Variants in CCDC150 observed in about 807,000 individuals in gnomAD.
CCDC150 encodes the protein coiled-coil domain-containing protein 150.
CCDC150 carries 151 observed loss-of-function variants against 156.5 expected under a neutral mutation model. The ratio of observed to expected loss-of-function variants is 0.97; its 90% CI spans 0.85 to 1.10. The LOEUF is 1.10. Ranked by LOEUF, CCDC150 falls within the 50% of genes least tolerant of loss-of-function variation. The probability of loss-of-function intolerance (pLI) is 0.00; values close to 1 mark genes in which losing one functional copy is unlikely to be tolerated. For synonymous variants in CCDC150, 452 were observed against 429.4 expected (o/e 1.05, Z -0.65); for missense variants, 1,312 against 1,268.1 (o/e 1.03, Z -0.53).
rs149225151 is a variant in CCDC150 at position 196,715,882 on chromosome 2, A to G, written c.1867-2621A>G. The stretch of plus-strand genomic sequence containing the variant: ...AAATTGGAGTTTATCAAAATTGACA[A>G]CTTATGCTCTTCAGAAACATTAAGG... On this transcript the variant is annotated intron_variant, in intron 17 of 27. Coordinates refer to ENST00000389175, the MANE Select transcript of CCDC150 (RefSeq NM_001080539.2). 1.3e-3 allele frequency among the ~76,000 whole-genome samples: 191 copies of G among 152,326 alleles called. 1 individual carries two copies. Among genetic ancestry groups the G allele is most frequent in the African/African-American group, 4.2e-3 (176 of 41,570 alleles).
intron 6 of CCDC150, 126 bp downstream of exon 6, chr2:196,665,809 C>A: frequency 5.6e-6 from 3 of 534,756 alleles, no homozygotes; most frequent in South Asian, 2.5e-5. Flanking sequence ...TTTTTGTTAG[C>A]AATATGTTAA....
chr2:196,689,203 G>A (rs1276071454), intron 13 of CCDC150, among the ~76,000 whole-genome samples: 4 of 151,990 alleles, frequency 2.6e-5, no homozygotes, highest in Non-Finnish European at 5.9e-5. Context: ...TGTTCTTTTG[G>A]CTTAGGATTG....
chr2:196,678,997 G>A (rs749629906), intron 13 of CCDC150, among the ~76,000 whole-genome samples: 2 of 152,128 alleles, frequency 1.3e-5, no homozygotes, highest in Admixed American at 6.5e-5. Flanking sequence ...GATTTCATTC[G>A]TCTTAATGTA....
chr2:196,732,658 A>T lies in CCDC150; in HGVS notation c.*96A>T. On this transcript the variant is annotated 3_prime_UTR_variant, in exon 28 of 28. Transcript: ENST00000389175. ...GGCCTGTTTCTAGAGTCATAAGAACATGAAGTCTTTGATGTGGGCTGAAGA... is the reference window on the plus strand; with the variant it reads ...GGCCTGTTTCTAGAGTCATAAGAACTTGAAGTCTTTGATGTGGGCTGAAGA... The T allele has an allele frequency of 1.2e-6, 1 of 807,158 alleles. No individual in the cohort carries two copies. Among genetic ancestry groups the T allele is most frequent in the Non-Finnish European group, 2.1e-6 (1 of 476,860 alleles). 50.0% of individuals were successfully genotyped at this position (807,158 alleles called of 1,614,324 possible). A position where few individuals can be genotyped will look rare whatever the true frequency, so the allele number is the denominator to read the frequency against.
chr2:196,678,628 C>T (rs918648427), intron 13 of CCDC150, among the ~76,000 whole-genome samples: 17 of 152,212 alleles, frequency 1.1e-4, no homozygotes, highest in African/African-American at 2.9e-4. Flanking sequence ...TGAGAGTGGG[C>T]GTGGTGGCTC....
chr2:196,641,028 T>G (rs765104423), intron 1 of CCDC150, among the ~76,000 whole-genome samples: 2 of 152,166 alleles, frequency 1.3e-5, no homozygotes, highest in African/African-American at 4.8e-5. Context: ...AGTGCAGCAG[T>G]CTCAGCTCAC....
At chr2:196,650,080 CAGA>C (rs1692785165) in intron 2 of CCDC150, among the ~76,000 whole-genome samples, 2 of 152,148 alleles carry the variant, frequency 1.3e-5, no homozygotes, top group South Asian at 4.1e-4. Context: ...CAGTCCTGAT[CAGA>C]AGCTTTCAGC....
At chr2:196,708,713 A>G (rs1280048657) in intron 15 of CCDC150, among the ~76,000 whole-genome samples, 1 of 152,204 alleles carries the variant, frequency 6.6e-6, no homozygotes, top group African/African-American at 2.4e-5. Flanking sequence ...TGGTGACAAA[A>G]TATCTCAGCA....
At position 196,720,653 on chromosome 2, in the gene CCDC150, C is replaced by G; in HGVS notation, c.2244C>G (p.Asp748Glu). 1.9e-6 allele frequency: 3 copies of G among 1,613,600 alleles called. No homozygotes were observed. Among genetic ancestry groups the G allele is most frequent in the Non-Finnish European group, 2.5e-6 (3 of 1,179,714 alleles). Residue 748 changes from aspartate to glutamate, a missense_variant, in exon 20 of 28, where the codon GAC becomes GAG. Transcript: ENST00000389175. ...AGGCCAGGATGCTTGTCATGGAGGA[C>G]CAGCACAACAGTGAGGTTGGAGCCA... ...QWQARMLVME[D>E]QHNSEIESLQ...
chr2:196,707,797 T>C (rs2125680774), intron 15 of CCDC150, among the ~76,000 whole-genome samples: 1 of 152,326 alleles, frequency 6.6e-6, no homozygotes, highest in South Asian at 2.1e-4. Context: ...CACCAGGTTG[T>C]TCAGTTTCCA....
At chr2:196,713,622 A>G in intron 17 of CCDC150, 1 of 1,508,620 alleles carries the variant, frequency 6.6e-7, no homozygotes, top group East Asian at 2.5e-5. Context: ...GGCAAAATAG[A>G]GATTCTAGCC....
At chr2:196,704,569 A>T (rs577038451) in intron 15 of CCDC150, among the ~76,000 whole-genome samples, 1 of 152,126 alleles carries the variant, frequency 6.6e-6, no homozygotes, top group African/African-American at 2.4e-5. Flanking sequence ...TTTTAATTAT[A>T]CTTTAAGTTC....
At chr2:196,705,086 T>A (rs1696521747) in intron 15 of CCDC150, among the ~76,000 whole-genome samples, 1 of 152,202 alleles carries the variant, frequency 6.6e-6, no homozygotes, top group Non-Finnish European at 1.5e-5. Context: ...GATGGCTGGG[T>A]CAAATGGTAT....
At chr2:196,693,363 A>G (rs1457133915) in intron 13 of CCDC150, among the ~76,000 whole-genome samples, 2 of 152,216 alleles carry the variant, frequency 1.3e-5, no homozygotes, top group African/African-American at 4.8e-5. Flanking sequence ...TCAGCACATC[A>G]TATCTTAGAC....
intron 19 of CCDC150, chr2:196,719,923 T>C (rs1259424162): frequency 2.9e-6 from 1 of 349,666 alleles, no homozygotes; most frequent in Non-Finnish European, 5.4e-6. Flanking sequence ...TCACTAGCTG[T>C]ACTGTTGTTT....
rs1695738693 is a variant in CCDC150 at position 196,695,100 on chromosome 2, C to T, written c.1564C>T (p.His522Tyr). The change falls in exon 14 of 28, where the codon CAC (histidine) becomes TAC (tyrosine). Residue 522 changes from histidine to tyrosine, a missense_variant. His to Tyr is a moderately conservative substitution (Grantham distance 83, BLOSUM62 2). Coordinates refer to ENST00000389175, the MANE Select transcript of CCDC150 (RefSeq NM_001080539.2). The stretch of plus-strand genomic sequence containing the variant: ...GCAGACTCTTGAAGAAGAGAATAAG[C>T]ACCTGGCAGATCAAATGGCTTCCCT... ...NLQTLEEENK[H>Y]LADQMASLEL... The T allele has an allele frequency of 3.7e-6, 6 of 1,612,874 alleles. No homozygotes were observed. Among genetic ancestry groups the T allele is most frequent in the Non-Finnish European group, 5.1e-6 (6 of 1,179,086 alleles).
Position 196,676,603 on chromosome 2 carries a change from G to A in CCDC150, c.1312G>A (p.Ala438Thr). Residue 438 changes from alanine to threonine, a missense_variant, in exon 12 of 28, where the codon GCT (alanine) becomes ACT (threonine). Ala to Thr is a moderately conservative substitution (Grantham distance 58). Coordinates refer to ENST00000389175, the MANE Select transcript of CCDC150 (RefSeq NM_001080539.2). ...CCAGTGTATCCAGAAAGCACAGGATGCTGAAAAGAGAACAGCTGTGCAAAA... is the reference window on the plus strand; with the variant it reads ...CCAGTGTATCCAGAAAGCACAGGATACTGAAAAGAGAACAGCTGTGCAAAA... ...HNQCIQKAQD[A>T]EKRTAVQKEL... is the part of the protein sequence containing the mutation. 6.2e-7 allele frequency: 1 copy of A among 1,613,762 alleles called. No homozygotes were observed. Among genetic ancestry groups the A allele is most frequent in the Non-Finnish European group, 8.5e-7 (1 of 1,179,738 alleles).
chr2:196,691,981 T>C lies in CCDC150; in HGVS notation c.1510-3065T>C, dbSNP rs143366165. On this transcript the variant is annotated intron_variant, in intron 13 of 27. Transcript: ENST00000389175. ...ACAGCTCCTGGATTTGTTGATCTCTTGAATGGTTTTTGTGTCTCTATCTCC... is the reference window on the plus strand; with the variant it reads ...ACAGCTCCTGGATTTGTTGATCTCTCGAATGGTTTTTGTGTCTCTATCTCC... 2.0e-3 allele frequency among the ~76,000 whole-genome samples: 312 copies of C among 152,232 alleles called. 3 individuals are homozygous for C. The highest frequency in any genetic ancestry group is 0.018 in the Admixed American group (278 of 15,296).
chr2:196,714,061 A>C (rs1332213677), intron 17 of CCDC150, among the ~76,000 whole-genome samples: 1 of 152,214 alleles, frequency 6.6e-6, no homozygotes, highest in Non-Finnish European at 1.5e-5. Context: ...AACTTATTAG[A>C]GCATTCATCT....
Sources: gnomAD v4.1 joint callset for allele counts (sites outside exome capture counted in the v4.1 genomes callset) on GRCh38, gnomAD v4.1.1 for gene constraint, MANE v1.5 for transcripts, NCBI Gene and HGNC (gene_info 2026-07-23, HGNC 2026-07-21) for gene names.